Variants in ZYG11A observed in about 807,000 individuals in gnomAD.
ZYG11A encodes zyg-11 family member A, cell cycle regulator, also known as protein zyg-11 homolog A.
In ZYG11A, 62 loss-of-function variants were observed where a neutral mutation model predicts 77.2. That is an observed-to-expected ratio of 0.80 (90% confidence interval 0.65 to 0.99). The LOEUF is 0.99. ZYG11A is among the 50% of genes least tolerant of loss of function. ZYG11A has a pLI of 0.00. For missense variants in ZYG11A, 828 were observed against 896.8 expected, an observed-to-expected ratio of 0.92 and a Z score of 0.98; for synonymous variants, 315 against 324.6, an observed-to-expected ratio of 0.97 and a Z score of 0.32.
chr1:52,844,425 C>T (rs904353859), intron 1 of ZYG11A, among the ~76,000 whole-genome samples: 2 of 152,064 alleles, frequency 1.3e-5, no homozygotes, highest in African/African-American at 4.8e-5. Flanking sequence ...TGCTTGGAAT[C>T]GAAACAAGAT....
At chr1:52,869,972 C>A (rs375579352) in intron 8 of ZYG11A, among the ~76,000 whole-genome samples, 5,509 of 61,962 alleles carry the variant, frequency 0.089, 86 homozygotes, top group Non-Finnish European at 0.14. Flanking sequence ...TGACCCCCCC[C>A]CACCCCCCTC....
At chr1:52,875,239 A>G (rs1439553844) in intron 8 of ZYG11A, among the ~76,000 whole-genome samples, 2 of 152,152 alleles carry the variant, frequency 1.3e-5, no homozygotes, top group Non-Finnish European at 2.9e-5. Flanking sequence ...AGTCACCTTG[A>G]TTATGTTATT....
chr1:52,856,674 A>G (rs1214734544), intron 2 of ZYG11A, among the ~76,000 whole-genome samples: 1 of 151,610 alleles, frequency 6.6e-6, no homozygotes, highest in Non-Finnish European at 1.5e-5. Context: ...GAGCAAGGTT[A>G]CTGTAGATAA....
chr1:52,881,631 G>T lies in ZYG11A; in HGVS notation c.1910G>T (p.Arg637Leu), dbSNP rs143746516. The change falls in exon 11 of 14, where the codon CGT (arginine) becomes CTT (leucine). Residue 637 changes from arginine (R) to leucine (L), a missense_variant. Arg to Leu is a moderately radical substitution (Grantham distance 102). Coordinates refer to ENST00000371528, the MANE Select transcript of ZYG11A (RefSeq NM_001004339.3). ...LTSDRQLWIS[R>L]DFQRRTLLQD... The stretch of plus-strand genomic sequence containing the variant: ...TCTGACAGACAGCTTTGGATATCCC[G>T]TGACTTCCAGAGGCGTACTCTTCTC... The T allele has an allele frequency of 1.7e-4, 266 of 1,552,192 alleles. No individual in the cohort carries two copies. Among genetic ancestry groups the T allele is most frequent in the Middle Eastern group, 1.0e-3 (6 of 5,998 alleles).
intron 1 of ZYG11A, among the ~76,000 whole-genome samples, chr1:52,847,857 TTTATTTA>T (rs1645625086): frequency 3.1e-5 from 3 of 96,458 alleles, no homozygotes; most frequent in African/African-American, 9.8e-5. Context: ...TATTTATTTA[TTTATTTA>T]TTTATTTATT....
At position 52,857,277 on chromosome 1, in the gene ZYG11A, A is replaced by T. The variant is rs1571843435; in HGVS notation, c.536A>T (p.Gln179Leu). 6.4e-7 allele frequency: 1 copy of T among 1,552,134 alleles called. No individual in the cohort carries two copies. Among genetic ancestry groups the T allele is most frequent in the Non-Finnish European group, 8.7e-7 (1 of 1,147,118 alleles). Residue 179 changes from glutamine to leucine, a missense_variant, in exon 3 of 14, where the codon CAG becomes CTG. Physicochemically the swap from Gln to Leu is moderately radical, Grantham distance 113. Transcript: ENST00000371528. ...PQNSRLLFFS[Q>L]LTGLRILSVF... ...AATTCAAGATTACTGTTCTTTAGTC[A>T]GCTCACTGGTCTTCGCATTTTAAGT...
intron 11 of ZYG11A, among the ~76,000 whole-genome samples, chr1:52,884,224 C>T (rs112180688): frequency 0.41 from 61,413 of 150,154 alleles, 15,210 homozygotes; most frequent in Non-Finnish European, 0.57. Context: ...TGGCCGGGCA[C>T]GGTGGCTCAC....
intron 1 of ZYG11A, among the ~76,000 whole-genome samples, chr1:52,847,145 C>T (rs1383325689): frequency 6.6e-6 from 1 of 152,184 alleles, no homozygotes; most frequent in Non-Finnish European, 1.5e-5. Context: ...CGGCTCACTG[C>T]AGCCTCCGCC....
intron 11 of ZYG11A, among the ~76,000 whole-genome samples, chr1:52,882,110 C>A (rs906111189): frequency 6.6e-6 from 1 of 152,168 alleles, no homozygotes; most frequent in Non-Finnish European, 1.5e-5. Context: ...CCAGGCTGTT[C>A]TCAAACTCCT....
At chr1:52,859,823 G>A (rs1432180861) in intron 3 of ZYG11A, among the ~76,000 whole-genome samples, 1 of 151,290 alleles carries the variant, frequency 6.6e-6, no homozygotes, top group Non-Finnish European at 1.5e-5. Flanking sequence ...GACTATAGGC[G>A]TGCACCACCA....
chr1:52,878,951 A>T (rs1646311708), intron 10 of ZYG11A, among the ~76,000 whole-genome samples: 1 of 70,638 alleles, frequency 1.4e-5, no homozygotes, highest in African/African-American at 6.7e-5. Flanking sequence ...ACTCTGCTCA[A>T]AAAAAAAAAA....
intron 10 of ZYG11A, among the ~76,000 whole-genome samples, chr1:52,879,398 A>G (rs1025806663): frequency 3.3e-5 from 5 of 152,200 alleles, no homozygotes; most frequent in African/African-American, 1.2e-4. Flanking sequence ...CGTTGAAAAC[A>G]TGGAGGGACT....
At chr1:52,845,568 C>G (rs971600456) in intron 1 of ZYG11A, among the ~76,000 whole-genome samples, 2 of 151,492 alleles carry the variant, frequency 1.3e-5, no homozygotes, top group African/African-American at 4.8e-5. Flanking sequence ...AAGCGACCTG[C>G]CCATCTTGAC....
At position 52,877,693 on chromosome 1, in the gene ZYG11A, A is replaced by G; in HGVS notation, c.1554A>G (p.Ala518=). Residue 518 remains alanine (A), a synonymous_variant, in exon 9 of 14, where the codon GCA becomes GCG. Coordinates refer to ENST00000371528, the MANE Select transcript of ZYG11A (RefSeq NM_001004339.3). ...ELFMAVKELL[A]IVKQKTTENL... is the part of the protein sequence containing the mutation. ...TCTTTGGTTTTTAGGAACTTCTAGC[A>G]ATAGTAAAACAAAAGACTACTGAGA... 6.5e-7 allele frequency: 1 copy of G among 1,548,320 alleles called. No homozygotes were observed.
At chr1:52,854,386 T>C (rs1571839109) in intron 1 of ZYG11A, 79 bp from the exon 2 acceptor site, 1 of 1,287,408 alleles carries the variant, frequency 7.8e-7, no homozygotes, top group Non-Finnish European at 1.0e-6. Context: ...TCAAGTGGAA[T>C]AGGTATGGCA....
intron 8 of ZYG11A, among the ~76,000 whole-genome samples, chr1:52,870,939 TTGAC>T (rs370382830): frequency 4.1e-4 from 62 of 152,172 alleles, no homozygotes; most frequent in African/African-American, 1.4e-3. Flanking sequence ...AAACAAGCCT[TTGAC>T]TATGATATTG....
At chr1:52,879,557 AGAT>A (rs1235328420) in intron 10 of ZYG11A, among the ~76,000 whole-genome samples, 5 of 151,834 alleles carry the variant, frequency 3.3e-5, no homozygotes, top group African/African-American at 1.2e-4. Flanking sequence ...TGGCTAGGGA[AGAT>A]TATTTATAAT....
At position 52,857,658 on chromosome 1, in the gene ZYG11A, T is replaced by A; in HGVS notation, c.917T>A (p.Phe306Tyr). ...ATCACTGATGAAGCTGTAGAACTGT[T>A]TATACGACTGCGGCCTGCCATGCAA... ...NCITDEAVEL[F>Y]IRLRPAMQFV... The change falls in exon 3 of 14, where the codon TTT (phenylalanine) becomes TAT (tyrosine). Residue 306 changes from phenylalanine to tyrosine, a missense_variant. Physicochemically the swap from Phe to Tyr is conservative, Grantham distance 22. Coordinates refer to ENST00000371528, the MANE Select transcript of ZYG11A (RefSeq NM_001004339.3). 2 of 1,552,200 alleles carry A rather than the reference T, an allele frequency of 1.3e-6. No individual in the cohort carries two copies. Among genetic ancestry groups the A allele is most frequent in the Non-Finnish European group, 1.7e-6 (2 of 1,147,092 alleles).
chr1:52,857,059 C>G lies in ZYG11A; in HGVS notation c.318C>G (p.Val106=). 6.4e-7 allele frequency: 1 copy of G among 1,550,768 alleles called. No homozygotes were observed. The highest frequency in any genetic ancestry group is 8.7e-7 in the Non-Finnish European group (1 of 1,146,452). The change falls in exon 3 of 14, where the codon GTC becomes GTG. Residue 106 remains valine, a synonymous_variant. Transcript: ENST00000371528. ...FRGNQMKLKL[V]NIQKAKISTA... is the part of the protein sequence containing the mutation. ...GCAACCAAATGAAACTGAAGCTGGT[C>G]AATATCCAAAAAGCTAAAATCTCTA...
Sources: gnomAD v4.1 joint callset for allele counts (sites outside exome capture counted in the v4.1 genomes callset) on GRCh38, gnomAD v4.1.1 for gene constraint, MANE v1.5 for transcripts, NCBI Gene and HGNC (gene_info 2026-07-23, HGNC 2026-07-21) for gene names.